Variants in TXLNB observed in about 807,000 individuals in gnomAD.
The protein encoded by TXLNB is beta-taxilin.
Under a neutral mutation model 57.4 loss-of-function variants are expected in TXLNB, and 37 were observed. The observed-to-expected ratio is 0.64, with a 90% CI of 0.50 to 0.85. TXLNB has a LOEUF of 0.85. Ranked by LOEUF, TXLNB falls within the 40% of genes least tolerant of loss-of-function variation. The probability of loss-of-function intolerance (pLI) is 0.00; values close to 1 mark genes in which losing one functional copy is unlikely to be tolerated. For synonymous variants in TXLNB, 302 were observed against 309.6 expected, an observed-to-expected ratio of 0.98 and a Z score of 0.26; for missense variants, 848 against 825.6, an observed-to-expected ratio of 1.03 and a Z score of -0.33.
chr6:139,261,568 T>A (rs941068787), intron 5 of TXLNB, among the ~76,000 whole-genome samples: 7 of 152,120 alleles, frequency 4.6e-5, no homozygotes, highest in African/African-American at 1.7e-4. Flanking sequence ...CTTAAAAATA[T>A]ATTAAATATT....
At position 139,255,618 on chromosome 6, in the gene TXLNB, C is replaced by T. The variant is rs751795356; in HGVS notation, c.1023G>A (p.Glu341=). The T allele has an allele frequency of 1.2e-5, 20 of 1,613,900 alleles. No homozygotes were observed. Among genetic ancestry groups the T allele is most frequent in the East Asian group, 2.2e-5 (1 of 44,876 alleles). The change falls in exon 7 of 10, where the codon GAG becomes GAA. Residue 341 remains glutamate (E), a synonymous_variant. Coordinates refer to ENST00000358430, the MANE Select transcript of TXLNB (RefSeq NM_153235.4). ...TCAGCACTTTCGCCTGAAGTTTCCACTCTGCTGCCTGGTTCAGCAACTATG... is the reference window on the plus strand; with the variant it reads ...TCAGCACTTTCGCCTGAAGTTTCCATTCTGCTGCCTGGTTCAGCAACTATG... ...EKEYLLNQAA[E]WKLQAKVLKE...
At chr6:139,166,877 C>A in the TXLNB span, 2 of 1,613,964 alleles carry the variant, frequency 1.2e-6, no homozygotes, top group Non-Finnish European at 1.7e-6. Flanking sequence ...CAGCGGCCCC[C>A]GCTCCTCCAG....
At chr6:139,187,027 G>C in the TXLNB span, among the ~76,000 whole-genome samples, 3 of 152,146 alleles carry the variant, frequency 2.0e-5, no homozygotes, top group African/African-American at 7.2e-5. Context: ...TGTGTTCACT[G>C]TCTTGATTGT....
chr6:139,300,105 C>T, the TXLNB span, among the ~76,000 whole-genome samples: 1 of 152,104 alleles, frequency 6.6e-6, no homozygotes, highest in African/African-American at 2.4e-5. Context: ...GCCCCTCCTC[C>T]CCTGCTGATC....
intron 3 of TXLNB, among the ~76,000 whole-genome samples, chr6:139,275,660 G>C (rs1776877389): frequency 6.6e-6 from 1 of 152,174 alleles, no homozygotes; most frequent in African/African-American, 2.4e-5. Flanking sequence ...TTAGGTAGAA[G>C]AACAGAAAGA....
rs754802319 is a variant in TXLNB at position 139,242,711 on chromosome 6, G to T, written c.1870C>A (p.Gln624Lys). 6.2e-6 allele frequency: 10 copies of T among 1,612,562 alleles called. No individual in the cohort carries two copies. The highest frequency in any genetic ancestry group is 8.5e-6 in the Non-Finnish European group (10 of 1,179,502). Residue 624 changes from glutamine to lysine, a missense_variant, in exon 10 of 10, where the codon CAG becomes AAG. Physicochemically the swap from Gln to Lys is moderately conservative, Grantham distance 53 (BLOSUM62 1). Transcript: ENST00000358430. ...APQAPTEASL[Q>K]KMEADVPAPA... is the part of the protein sequence containing the mutation. ...GCAGGCACATCTGCCTCCATCTTCT[G>T]TAGGGAGGCCTCGGTGGGAGCCTGT...
the TXLNB span, chr6:139,180,305 A>G: frequency 1.2e-4 from 18 of 152,744 alleles, no homozygotes; most frequent in African/African-American, 4.1e-4. Context: ...GTACCTTATT[A>G]GAGCACCAGA....
chr6:139,295,372 C>G (rs1777370859), upstream of TXLNB, among the ~76,000 whole-genome samples: 1 of 152,204 alleles, frequency 6.6e-6, no homozygotes, highest in Non-Finnish European at 1.5e-5. Context: ...AATTACACGT[C>G]TAAGGCTTTG....
the TXLNB span, among the ~76,000 whole-genome samples, chr6:139,322,140 C>A: frequency 6.6e-6 from 1 of 152,172 alleles, no homozygotes; most frequent in African/African-American, 2.4e-5. Context: ...CCTGACTTCA[C>A]AGCCTATTGA....
At chr6:139,270,689 A>G (rs1382010905) in intron 3 of TXLNB, 63 bp from the exon 4 acceptor site, 68 of 1,459,124 alleles carry the variant, frequency 4.7e-5, no homozygotes, top group Non-Finnish European at 1.9e-6. Context: ...GTGGATAGAA[A>G]AAAAGCAAAC....
intron 2 of TXLNB, among the ~76,000 whole-genome samples, chr6:139,279,271 TGAGAA>T (rs1381233932): frequency 6.6e-6 from 1 of 152,214 alleles, no homozygotes; most frequent in Non-Finnish European, 1.5e-5. Flanking sequence ...TCTGTGACTG[TGAGAA>T]GAGGTTTCTT....
intron 2 of TXLNB, among the ~76,000 whole-genome samples, chr6:139,277,427 T>G (rs1776928111): frequency 6.6e-6 from 1 of 152,186 alleles, no homozygotes; most frequent in Non-Finnish European, 1.5e-5. Context: ...TTCCCCTGTG[T>G]TTTTTGTTCT....
At chr6:139,262,856 T>C in intron 4 of TXLNB, 83 bp from the exon 5 acceptor site, 1 of 1,370,214 alleles carries the variant, frequency 7.3e-7, no homozygotes, top group Non-Finnish European at 1.0e-6. Flanking sequence ...AGGAGATAAG[T>C]GTGCAGAGTA....
At chr6:139,302,035 CT>C in the TXLNB span, among the ~76,000 whole-genome samples, 1 of 151,806 alleles carries the variant, frequency 6.6e-6, no homozygotes, top group African/African-American at 2.4e-5. Flanking sequence ...TATATATATT[CT>C]TAATTGAAAC....
chr6:139,166,116 CAT>C, the TXLNB span: 2 of 587,986 alleles, frequency 3.4e-6, no homozygotes, highest in Non-Finnish European at 5.9e-6. Flanking sequence ...GTAGCTTCAT[CAT>C]ATTATTCCCT....
chr6:139,184,814 G>T, the TXLNB span, among the ~76,000 whole-genome samples: 1 of 152,224 alleles, frequency 6.6e-6, no homozygotes, highest in South Asian at 2.1e-4. Context: ...AGACTGTTGA[G>T]GGTTGCTTGA....
chr6:139,284,947 T>C (rs1175757948), intron 2 of TXLNB, among the ~76,000 whole-genome samples: 2 of 145,424 alleles, frequency 1.4e-5, no homozygotes, highest in Non-Finnish European at 3.1e-5. Context: ...AATAGTACAG[T>C]GTTTAAAATA....
At chr6:139,179,129 ACTTGT>A in the TXLNB span, 1 of 152,202 alleles carries the variant, frequency 6.6e-6, no homozygotes, top group Non-Finnish European at 1.5e-5. Flanking sequence ...CTTTCTGCAA[ACTTGT>A]CTTTAATGCA....
In TXLNB at chr6:139,242,986, T is replaced by C. The variant is rs753824972; in HGVS notation, c.1595A>G (p.Glu532Gly). 135 of 1,613,992 alleles carry C rather than the reference T, an allele frequency of 8.4e-5. No individual in the cohort carries two copies. The highest frequency in any genetic ancestry group is 1.1e-4 in the Non-Finnish European group (134 of 1,180,022). The stretch of plus-strand genomic sequence containing the variant: ...CTCCTTGAGAGCGGCGTCAGCACTC[T>C]CCTGAGAACTGCCTATTTCGGGTTG... ...ETQPEIGSSQ[E>G]SADAALKEPE... is the part of the protein sequence containing the mutation. The change falls in exon 10 of 10, where the codon GAG becomes GGG. Residue 532 changes from glutamate to glycine, a missense_variant. Physicochemically the swap from Glu to Gly is moderately conservative, Grantham distance 98. Coordinates refer to ENST00000358430, the MANE Select transcript of TXLNB (RefSeq NM_153235.4).
Sources: allele counts gnomAD v4.1 joint callset (sites outside exome capture counted in the v4.1 genomes callset), GRCh38; gene constraint gnomAD v4.1.1; transcripts MANE v1.5; gene names NCBI Gene and HGNC (gene_info 2026-07-23, HGNC 2026-07-21).